DMTN: variants seen among roughly 807,000 people sequenced by gnomAD.
DMTN encodes dematin actin binding protein.
DMTN carries 27 observed loss-of-function variants against 59.4 expected under a neutral mutation model. The ratio of observed to expected loss-of-function variants is 0.45; its 90% CI spans 0.33 to 0.63. The LOEUF (loss-of-function observed/expected upper bound fraction) is 0.63. DMTN is among the 20% of genes least tolerant of loss of function. The pLI, the probability that DMTN is intolerant of heterozygous loss-of-function variation, is 0.02. For missense variants in DMTN, 451 were observed against 528.9 expected (o/e 0.85, Z 1.45); for synonymous variants, 221 against 203.7 (o/e 1.08, Z -0.72).
intron 10 of DMTN, among the ~76,000 whole-genome samples, chr8:22,078,027 T>G (rs1347537916): frequency 6.6e-6 from 1 of 151,938 alleles, no homozygotes; most frequent in Non-Finnish European, 1.5e-5. Flanking sequence ...TGAGGTTTTG[T>G]TCTCAATAAT....
intron 1 of DMTN, among the ~76,000 whole-genome samples, chr8:22,057,661 G>T (rs933052049): frequency 2.6e-5 from 4 of 152,160 alleles, no homozygotes; most frequent in African/African-American, 7.2e-5. Context: ...GAAGAGTGAG[G>T]CTGTGGCAGG....
intron 8 of DMTN, among the ~76,000 whole-genome samples, chr8:22,071,996 C>G (rs1439805309): frequency 2.0e-5 from 3 of 152,100 alleles, no homozygotes; most frequent in Non-Finnish European, 4.4e-5. Context: ...TGGGCTCAAG[C>G]AATCCACCTA....
Position 22,073,817 on chromosome 8 carries a change from C to T in DMTN, c.817C>T (p.Arg273Trp), listed in dbSNP as rs1368877460. The change falls in exon 10 of 16, where the codon CGG becomes TGG. Residue 273 changes from arginine (R) to tryptophan (W), a missense_variant. Physicochemically the swap from Arg to Trp is moderately radical, Grantham distance 101 (BLOSUM62 -3). Coordinates refer to ENST00000358242, the MANE Select transcript of DMTN (RefSeq NM_001387751.1). ...IRRKTRSLPD[R>W]TPFHTSLHQG... ...AAGGAAAACCCGCTCTCTGCCTGAC[C>T]GGACACCCTTCCATACCTGTGAGTG... 4.3e-6 allele frequency: 7 copies of T among 1,613,848 alleles called. No individual in the cohort carries two copies. The highest frequency in any genetic ancestry group is 3.3e-5 in the South Asian group (3 of 91,076).
At chr8:22,075,516 ATTTTTTT>A (rs386412281) in intron 10 of DMTN, among the ~76,000 whole-genome samples, 2 of 87,728 alleles carry the variant, frequency 2.3e-5, no homozygotes, top group African/African-American at 4.8e-5. Flanking sequence ...GCCCAGCTAA[ATTTTTTT>A]TTTTTTTTTT....
intron 3 of DMTN, 39 bp downstream of exon 3, chr8:22,067,198 GA>G (rs1563444767): frequency 1.3e-6 from 2 of 1,598,160 alleles, no homozygotes; most frequent in African/African-American, 1.3e-5. Context: ...CCCTGGCTGG[GA>G]GGGGGGAGGG....
chr8:22,076,711 G>C (rs997229907), intron 10 of DMTN, among the ~76,000 whole-genome samples: 2 of 151,466 alleles, frequency 1.3e-5, no homozygotes, highest in East Asian at 3.9e-4. Context: ...ACACTATTTT[G>C]GGTGACACCT....
intron 6 of DMTN, 82 bp downstream of exon 6, chr8:22,069,600 C>T (rs987213301): frequency 1.4e-5 from 17 of 1,221,254 alleles, no homozygotes; most frequent in Non-Finnish European, 2.0e-5. Context: ...CAGTCCCCCA[C>T]TCTCTGGGGT....
At chr8:22,063,072 G>A (rs1006418055) in intron 1 of DMTN, among the ~76,000 whole-genome samples, 7 of 152,108 alleles carry the variant, frequency 4.6e-5, no homozygotes, top group African/African-American at 1.7e-4. Flanking sequence ...TCTGGTTCCA[G>A]CCTGGCCTCT....
chr8:22,058,160 A>G lies in DMTN; in HGVS notation c.-172+1024A>G, dbSNP rs1803774957. On this transcript the variant is annotated intron_variant, in intron 1 of 15. Transcript: ENST00000358242. The surrounding 1 kb of genome is among the most constrained non-coding windows in gnomAD (Gnocchi z 4.3). ...TCTCCCCGCGTGCATGCGTCCTGCA[A>G]CGGTTTCAGCGCGGGCGCTTCTGCC... 6.6e-6 allele frequency among the ~76,000 whole-genome samples: 1 copy of G among 151,810 alleles called. No individual in the cohort carries two copies. Among genetic ancestry groups the G allele is most frequent in the Non-Finnish European group, 1.5e-5 (1 of 67,974 alleles).
At chr8:22,071,124 C>G (rs56332133) in intron 8 of DMTN, among the ~76,000 whole-genome samples, 46,985 of 151,932 alleles carry the variant, frequency 0.31, 9,299 homozygotes, top group Non-Finnish European at 0.44. Context: ...GAGATGGAGT[C>G]TCACTCTGTT....
intron 1 of DMTN, among the ~76,000 whole-genome samples, chr8:22,066,138 C>A (rs1810451881): frequency 6.6e-6 from 1 of 152,176 alleles, no homozygotes; most frequent in Admixed American, 6.5e-5. Context: ...GCCACTTATG[C>A]CCGACCTATG....
intron 1 of DMTN, 90 bp from the exon 2 acceptor site, chr8:22,066,615 A>C: frequency 3.0e-6 from 1 of 335,164 alleles, no homozygotes; most frequent in East Asian, 4.6e-5. Context: ...CCTCAGCCGC[A>C]AGGGGCCCGG....
chr8:22,066,694 TC>T lies in DMTN; in HGVS notation c.-171-10del. 1 of 578,464 alleles carries T rather than the reference TC, an allele frequency of 1.7e-6. No homozygotes were observed. Among genetic ancestry groups the T allele is most frequent in the Admixed American group, 4.8e-5 (1 of 20,720 alleles). The allele number at this position is 578,464 out of a possible 1,614,324, so 35.8% of individuals were successfully genotyped here. A position where few individuals can be genotyped will look rare whatever the true frequency, so the allele number is the denominator to read the frequency against. The stretch of plus-strand genomic sequence containing the variant: ...CCGCCCCGGCGCGGCCTCCCTCCCT[TC>T]TCCCCGCAGCCTGGAGAGTCACCGC... On this transcript the variant is annotated splice_polypyrimidine_tract_variant and intron_variant, in intron 1 of 15. Coordinates refer to ENST00000358242, the MANE Select transcript of DMTN (RefSeq NM_001387751.1).
At chr8:22,070,009 G>A (rs1304626089) in intron 7 of DMTN, 72 bp downstream of exon 7, 2 of 1,596,868 alleles carry the variant, frequency 1.3e-6, no homozygotes, top group Admixed American at 3.3e-5. Context: ...GGGGCTGCGG[G>A]CTGGCTGGAG....
At chr8:22,068,928 G>C in intron 4 of DMTN, 88 bp from the exon 5 acceptor site, 1 of 1,464,704 alleles carries the variant, frequency 6.8e-7, no homozygotes, top group South Asian at 1.1e-5. Flanking sequence ...TGCGGCTTTG[G>C]GTGGGGGATG....
Position 22,067,689 on chromosome 8 carries a change from G to C in DMTN, c.249+7G>C. The C allele has an allele frequency of 6.2e-7, 1 of 1,613,386 alleles. No individual in the cohort carries two copies. Among genetic ancestry groups the C allele is most frequent in the South Asian group, 1.1e-5 (1 of 91,070 alleles). On this transcript the variant is annotated splice_region_variant and intron_variant, in intron 4 of 15. Coordinates refer to ENST00000358242, the MANE Select transcript of DMTN (RefSeq NM_001387751.1). ...GCTGCCTCGCAGCCGCGAGGTGAGG[G>C]GGCTCCTCTTGGGCAGGACTCCGGG...
chr8:22,081,054 A>C, intron 14 of DMTN, 59 bp from the exon 15 acceptor site: 1 of 1,562,964 alleles, frequency 6.4e-7, no homozygotes, highest in Non-Finnish European at 8.8e-7. Context: ...TGGGAGGCCT[A>C]GGGAGTCGAA....
chr8:22,070,291 C>A lies in DMTN; in HGVS notation c.561C>A (p.Ile187=), dbSNP rs148314902. 3.0e-5 allele frequency: 48 copies of A among 1,613,534 alleles called. No individual in the cohort carries two copies. The highest frequency in any genetic ancestry group is 4.1e-5 in the Non-Finnish European group (48 of 1,179,792). Residue 187 remains isoleucine (I), a synonymous_variant, in exon 8 of 16, where the codon ATC becomes ATA. Coordinates refer to ENST00000358242, the MANE Select transcript of DMTN (RefSeq NM_001387751.1). ...CAGACCCCAACCAGCCAGCCAAAATCGAAACCGACTACTGGCCATGCCCCC... is the reference window on the plus strand; with the variant it reads ...CAGACCCCAACCAGCCAGCCAAAATAGAAACCGACTACTGGCCATGCCCCC... ...QPPDPNQPAK[I]ETDYWPCPPS...
chr8:22,057,311 C>A (rs984292958), intron 1 of DMTN, among the ~76,000 whole-genome samples, 175 bp downstream of exon 1: 1 of 152,266 alleles, frequency 6.6e-6, no homozygotes, highest in East Asian at 1.9e-4. Flanking sequence ...TCTAATGGAA[C>A]CTTCTGATCT....
Sources: allele counts gnomAD v4.1 joint callset (sites outside exome capture counted in the v4.1 genomes callset), GRCh38; gene constraint gnomAD v4.1.1; non-coding constraint Gnocchi (gnomAD v3.1); transcripts MANE v1.5; gene names NCBI Gene and HGNC (gene_info 2026-07-23, HGNC 2026-07-21).